FAM107B: variants seen among roughly 807,000 people sequenced by gnomAD.
The protein encoded by FAM107B is family with sequence similarity 107 member B.
Under a neutral mutation model 31.5 loss-of-function variants are expected in FAM107B, and 21 were observed. The observed-to-expected ratio is 0.67, with a 90% CI of 0.47 to 0.96. The LOEUF is 0.96. Among genes scored for constraint, FAM107B ranks in the 40% least tolerant of loss-of-function variants. The pLI, the probability that FAM107B is intolerant of heterozygous loss-of-function variation, is 0.00. For missense variants in FAM107B, 452 were observed against 377.1 expected, an observed-to-expected ratio of 1.20 and a Z score of -1.64; for synonymous variants, 157 against 141.5, an observed-to-expected ratio of 1.11 and a Z score of -0.78.
intron 2 of FAM107B, among the ~76,000 whole-genome samples, chr10:14,606,930 A>G (rs899578791): frequency 1.3e-5 from 2 of 152,234 alleles, no homozygotes. Context: ...CTGTTACAGC[A>G]GCCCCATCAG....
intron 1 of FAM107B, among the ~76,000 whole-genome samples, chr10:14,710,277 T>C (rs1313460662): frequency 6.6e-6 from 1 of 151,870 alleles, no homozygotes; most frequent in Non-Finnish European, 1.5e-5. Context: ...TCAGACTCCA[T>C]CTCTACAAAA....
intron 1 of FAM107B, among the ~76,000 whole-genome samples, chr10:14,690,577 C>T (rs1178776225): frequency 6.6e-6 from 1 of 152,064 alleles, no homozygotes; most frequent in Admixed American, 6.6e-5. Flanking sequence ...TTCAGCCTCC[C>T]GAGTAGCTGG....
rs1270353533 is a variant in FAM107B at position 14,774,368 on chromosome 10, G to GC, written c.295dup (p.Ala99GlyfsTer8). The GC allele has an allele frequency of 6.2e-7, 1 of 1,614,212 alleles. No individual in the cohort carries two copies. The highest frequency in any genetic ancestry group is 1.1e-5 in the South Asian group (1 of 91,074). Reference sequence around the variant, plus strand: ...ATCTTCAGGCGTCTCCGCGGGCTGGGCCGCAGTGCGGTGACTTGAATTCCG... The same window carrying GC: ...ATCTTCAGGCGTCTCCGCGGGCTGGGCCCGCAGTGCGGTGACTTGAATTCCG... On this transcript the variant is annotated frameshift_variant, in exon 1 of 5. Coordinates refer to ENST00000181796, the MANE Select transcript of FAM107B (RefSeq NM_031453.4). LOFTEE classifies it high-confidence loss of function.
intron 1 of FAM107B, among the ~76,000 whole-genome samples, chr10:14,737,800 C>CTCTA (rs59200578): frequency 1.3e-5 from 2 of 148,990 alleles, no homozygotes; most frequent in African/African-American, 5.0e-5. Context: ...CTCTCTCTCT[C>CTCTA]CTTCGTTGGC....
At chr10:14,631,285 T>C (rs537809605) in intron 2 of FAM107B, among the ~76,000 whole-genome samples, 3 of 152,212 alleles carry the variant, frequency 2.0e-5, no homozygotes, top group East Asian at 3.8e-4. Context: ...ATTTCTTTCA[T>C]GAGCTGCCAC....
At position 14,591,811 on chromosome 10, in the gene FAM107B, A is replaced by G. The variant is rs1852029049; in HGVS notation, c.470-61296T>C. The stretch of plus-strand genomic sequence containing the variant: ...TGCACATGAATCTGATCAAGCTTTC[A>G]TGATAACTTCCAGTTTACAGAAATA... On this transcript the variant is annotated intron_variant, in intron 2 of 4. Transcript: ENST00000181796. Among the ~76,000 whole-genome samples, 2 of 152,216 alleles carry G rather than the reference A, an allele frequency of 1.3e-5. 1 individual carries two copies. Among genetic ancestry groups the G allele is most frequent in the Admixed American group, 1.3e-4 (2 of 15,286 alleles).
At chr10:14,761,338 A>G (rs1013573855) in intron 1 of FAM107B, among the ~76,000 whole-genome samples, 3 of 152,194 alleles carry the variant, frequency 2.0e-5, no homozygotes, top group African/African-American at 4.8e-5. Context: ...AAGATAATAA[A>G]TGCTAAAAGA....
At chr10:14,745,897 G>A (rs1001456791) in intron 1 of FAM107B, among the ~76,000 whole-genome samples, 1 of 151,920 alleles carries the variant, frequency 6.6e-6, no homozygotes, top group African/African-American at 2.4e-5. Flanking sequence ...TTGACAGTGG[G>A]GTGTTAAAGT....
chr10:14,766,252 C>T (rs11259323), intron 1 of FAM107B, among the ~76,000 whole-genome samples: 1 of 152,066 alleles, frequency 6.6e-6, no homozygotes, highest in Non-Finnish European at 1.5e-5. Flanking sequence ...ATGAAATGAT[C>T]CTAGGTATTA....
intron 1 of FAM107B, among the ~76,000 whole-genome samples, chr10:14,683,044 C>T (rs1383620671): frequency 6.6e-6 from 1 of 152,152 alleles, no homozygotes; most frequent in African/African-American, 2.4e-5. Flanking sequence ...GTCCCCATTA[C>T]ACAATGTGGG....
At chr10:14,745,697 T>G (rs150549021) in intron 1 of FAM107B, among the ~76,000 whole-genome samples, 4,840 of 152,296 alleles carry the variant, frequency 0.032, 106 homozygotes, top group Admixed American at 0.061. Context: ...ATTTTGCATT[T>G]GCTGAGGAGT....
chr10:14,636,753 T>C (rs533114197), intron 2 of FAM107B, among the ~76,000 whole-genome samples: 1 of 152,282 alleles, frequency 6.6e-6, no homozygotes, highest in East Asian at 1.9e-4. Flanking sequence ...TATTGCTGTC[T>C]ACTGAGTCGA....
intron 2 of FAM107B, among the ~76,000 whole-genome samples, chr10:14,633,113 C>T (rs1357549433): frequency 6.6e-6 from 1 of 151,394 alleles, no homozygotes; most frequent in African/African-American, 2.4e-5. Context: ...GCAGGAGAAT[C>T]GCTTGAATCC....
chr10:14,599,620 T>C (rs976826066), intron 2 of FAM107B, among the ~76,000 whole-genome samples: 3 of 152,126 alleles, frequency 2.0e-5, no homozygotes, highest in Non-Finnish European at 2.9e-5. Context: ...CGGGGCAACA[T>C]AGTGAGACCC....
At chr10:14,733,288 C>G (rs950040671) in intron 1 of FAM107B, among the ~76,000 whole-genome samples, 1 of 152,134 alleles carries the variant, frequency 6.6e-6, no homozygotes, top group South Asian at 2.1e-4. Flanking sequence ...AGCCCAGAGT[C>G]GATCTAATGT....
At chr10:14,628,668 A>G (rs1853239830) in intron 2 of FAM107B, among the ~76,000 whole-genome samples, 1 of 152,220 alleles carries the variant, frequency 6.6e-6, no homozygotes, top group Non-Finnish European at 1.5e-5. Context: ...TCAAACTCAC[A>G]GTATTATTTG....
chr10:14,559,114 A>AAC (rs1849994086), intron 2 of FAM107B, among the ~76,000 whole-genome samples: 1 of 68,940 alleles, frequency 1.5e-5, no homozygotes, highest in African/African-American at 4.2e-5. Flanking sequence ...AAAAAAAAAA[A>AAC]AAACAAAAAA....
chr10:14,700,503 A>G (rs1855371533), intron 1 of FAM107B, among the ~76,000 whole-genome samples: 1 of 152,078 alleles, frequency 6.6e-6, no homozygotes, highest in South Asian at 2.1e-4. Flanking sequence ...GTCATTAGTG[A>G]CAATATCAGA....
At chr10:14,548,053 C>T (rs776680852) in intron 2 of FAM107B, among the ~76,000 whole-genome samples, 7 of 152,202 alleles carry the variant, frequency 4.6e-5, no homozygotes, top group Non-Finnish European at 7.3e-5. Context: ...ACGCAGGCTT[C>T]GCAGGGAGGA....
Sources: gnomAD v4.1 joint callset for allele counts (sites outside exome capture counted in the v4.1 genomes callset) on GRCh38, gnomAD v4.1.1 for gene constraint, MANE v1.5 for transcripts, NCBI Gene and HGNC (gene_info 2026-07-23, HGNC 2026-07-21) for gene names.